Variants in FGD3 observed in about 807,000 individuals in gnomAD.
FGD3 encodes the protein FYVE, RhoGEF and PH domain containing 3.
Under a neutral mutation model 71.8 loss-of-function variants are expected in FGD3, and 45 were observed. That is an observed-to-expected ratio of 0.63 (90% confidence interval 0.49 to 0.80). The LOEUF (loss-of-function observed/expected upper bound fraction) is 0.80. FGD3 is among the 30% of genes least tolerant of loss of function. The probability of loss-of-function intolerance (pLI) is 0.00; values close to 1 mark genes in which losing one functional copy is unlikely to be tolerated. For synonymous variants in FGD3, 378 were observed against 392.8 expected (o/e 0.96, Z 0.44); for missense variants, 844 against 951.5 (o/e 0.89, Z 1.49).
intron 14 of FGD3, among the ~76,000 whole-genome samples, chr9:93,026,239 C>T (rs976297538): frequency 3.9e-5 from 6 of 152,160 alleles, no homozygotes; most frequent in African/African-American, 1.2e-4. Context: ...TGAAGTCACT[C>T]GGTCAGATAC....
rs34412050 is a variant in FGD3, at chr9:93,013,972, A to C, written c.1156A>C (p.Thr386Pro). The C allele has an allele frequency of 1.2e-6, 2 of 1,606,490 alleles. No individual in the cohort carries two copies. The highest frequency in any genetic ancestry group is 1.8e-4 in the Middle Eastern group (1 of 5,606). Residue 386 changes from threonine (T) to proline (P), a missense_variant, in exon 9 of 18, where the codon ACC becomes CCC. By Grantham distance (38) the Thr-to-Pro change is conservative. Transcript: ENST00000375482. ...CCAGAAACTGTCAGCCAAGAACGGC[A>C]CCCCCCAGGACCGCCACCTCTTCCT... ...QIQKLSAKNG[T>P]PQDRHLFLFN... is the part of the protein sequence containing the mutation.
At chr9:92,955,470 C>T (rs1859034449) in intron 1 of FGD3, among the ~76,000 whole-genome samples, 1 of 152,134 alleles carries the variant, frequency 6.6e-6, no homozygotes. Context: ...AAAACTCCCT[C>T]TCAAAAATAA....
At position 93,032,758 on chromosome 9, in the gene FGD3, CTGTT is replaced by C. The variant is rs527767672; in HGVS notation, c.1681-8_1681-5del. ...AGGGTGCTGGGGTCACACGTGCCCT[CTGTT>C]TGGCAGGTCATCTGTGGGAAGTGCT... On this transcript the variant is annotated splice_region_variant and splice_polypyrimidine_tract_variant and intron_variant, in intron 15 of 17. Coordinates refer to ENST00000375482, the MANE Select transcript of FGD3 (RefSeq NM_001083536.2). 1 of 1,613,952 alleles carries C rather than the reference CTGTT, an allele frequency of 6.2e-7. No individual in the cohort carries two copies. Among genetic ancestry groups the C allele is most frequent in the Non-Finnish European group, 8.5e-7 (1 of 1,179,792 alleles).
intron 1 of FGD3, among the ~76,000 whole-genome samples, chr9:92,965,902 T>G (rs1251434155): frequency 6.6e-6 from 1 of 151,998 alleles, no homozygotes; most frequent in East Asian, 1.9e-4. Flanking sequence ...GCTGGGCAGG[T>G]GTGAAACCTA....
chr9:92,961,361 A>G (rs1027278910), intron 1 of FGD3, among the ~76,000 whole-genome samples: 1 of 152,192 alleles, frequency 6.6e-6, no homozygotes, highest in Non-Finnish European at 1.5e-5. Flanking sequence ...TTGAGATTGA[A>G]TAGCACCAAT....
At chr9:93,035,295 C>A in intron 17 of FGD3, 43 bp from the exon 18 acceptor site, 1 of 1,584,682 alleles carries the variant, frequency 6.3e-7, no homozygotes, top group Non-Finnish European at 8.6e-7. Flanking sequence ...AGCCCGAGGC[C>A]GGGAAGCTGT....
chr9:93,008,309 T>C (rs1363380308), intron 6 of FGD3, among the ~76,000 whole-genome samples: 1 of 152,184 alleles, frequency 6.6e-6, no homozygotes, highest in Non-Finnish European at 1.5e-5. Flanking sequence ...TGCTATCTAC[T>C]CCGCAGCCCA....
chr9:93,033,610 G>T (rs1264891353), intron 16 of FGD3: 1 of 154,408 alleles, frequency 6.5e-6, no homozygotes, highest in African/African-American at 2.4e-5. Flanking sequence ...CTATTCTGGG[G>T]GGTTGCAGGA....
chr9:93,002,790 T>C, intron 3 of FGD3, 135 bp from the exon 4 acceptor site: 2 of 774,932 alleles, frequency 2.6e-6, no homozygotes, highest in Non-Finnish European at 2.2e-6. Context: ...TGGCCCCTCC[T>C]GCCCCTTCTC....
At position 93,035,900 on chromosome 9, in the gene FGD3, AAG is replaced by A. The variant is rs1862582381; in HGVS notation, c.*314_*315del. 1 of 338,358 alleles carries A rather than the reference AAG, an allele frequency of 3.0e-6. No individual in the cohort carries two copies. The highest frequency in any genetic ancestry group is 4.7e-5 in the Admixed American group (1 of 21,172). The allele number at this position is 338,358 out of a possible 1,614,324, so 21.0% of individuals were successfully genotyped here. A position where few individuals can be genotyped will look rare whatever the true frequency, so the allele number is the denominator to read the frequency against. ...TGGTGATGCTGGCCCGGAAGGCAGAAAGAGGCAGCATGGGCACTGCCAGGGAC... is the reference window on the plus strand; with the variant it reads ...TGGTGATGCTGGCCCGGAAGGCAGAAAGGCAGCATGGGCACTGCCAGGGAC... On this transcript the variant is annotated 3_prime_UTR_variant, in exon 18 of 18. Transcript: ENST00000375482.
At chr9:93,015,696 C>G (rs141056625) in intron 9 of FGD3, 41 bp from the exon 10 acceptor site, 1 of 1,561,712 alleles carries the variant, frequency 6.4e-7, no homozygotes, top group South Asian at 1.1e-5. Context: ...GGGGGACCTG[C>G]GGGCAGCTCT....
intron 13 of FGD3, among the ~76,000 whole-genome samples, 185 bp from the exon 14 acceptor site, chr9:93,022,142 C>T (rs1163965696): frequency 6.6e-6 from 1 of 152,208 alleles, no homozygotes; most frequent in African/African-American, 2.4e-5. Flanking sequence ...GCCTCCAGCT[C>T]AGGCCAGGCC....
chr9:93,009,160 G>T (rs1467110256), intron 6 of FGD3, among the ~76,000 whole-genome samples: 1 of 152,096 alleles, frequency 6.6e-6, no homozygotes, highest in Admixed American at 6.5e-5. Context: ...TTACTTAGGA[G>T]GCTGAGGCAG....
At chr9:92,950,017 C>T (rs575202731) in intron 1 of FGD3, among the ~76,000 whole-genome samples, 148 of 148,140 alleles carry the variant, frequency 1.0e-3, no homozygotes, top group African/African-American at 3.4e-3. Flanking sequence ...TTCCTTCCCC[C>T]CTCCCTTCTT....
intron 3 of FGD3, among the ~76,000 whole-genome samples, chr9:92,990,850 T>C (rs552224207): frequency 1.3e-5 from 2 of 152,360 alleles, no homozygotes; most frequent in South Asian, 2.1e-4. Flanking sequence ...TTTTCATCTA[T>C]GTTCATCAGG....
intron 17 of FGD3, among the ~76,000 whole-genome samples, chr9:93,034,919 G>A (rs1375523947): frequency 1.3e-5 from 2 of 152,164 alleles, no homozygotes; most frequent in African/African-American, 4.8e-5. Context: ...TGGGCCAAGG[G>A]GGCACAAAGG....
At position 93,034,741 on chromosome 9, in the gene FGD3, C is replaced by A. The variant is rs559679711; in HGVS notation, c.1926+60C>A. 6 of 1,549,186 alleles carry A rather than the reference C, an allele frequency of 3.9e-6. No homozygotes were observed. The African/African-American group carries it at 5.5e-5, about 14-fold the overall frequency. ...GCAGCCCAGAGCCTCAGGCCTGAGG[C>A]ACCCACAGCAGGCCTGTGCCACCAG... On this transcript the variant is annotated intron_variant, in intron 17 of 17. Coordinates refer to ENST00000375482, the MANE Select transcript of FGD3 (RefSeq NM_001083536.2).
intron 3 of FGD3, among the ~76,000 whole-genome samples, chr9:92,991,493 T>G (rs964273128): frequency 6.6e-6 from 1 of 152,226 alleles, no homozygotes; most frequent in African/African-American, 2.4e-5. Context: ...ATGTCTAGTT[T>G]TATTCCATTG....
chr9:92,985,310 C>T (rs1230501529), intron 3 of FGD3, among the ~76,000 whole-genome samples: 7 of 152,204 alleles, frequency 4.6e-5, no homozygotes, highest in Non-Finnish European at 1.0e-4. Flanking sequence ...TTCCTTAGCC[C>T]TGTCCTCCTG....
Sources: allele counts gnomAD v4.1 joint callset (sites outside exome capture counted in the v4.1 genomes callset), GRCh38; gene constraint gnomAD v4.1.1; transcripts MANE v1.5; gene names NCBI Gene and HGNC (gene_info 2026-07-23, HGNC 2026-07-21).